Variants in PEMT observed in about 807,000 individuals in gnomAD.
PEMT encodes the protein phosphatidylethanolamine N-methyltransferase.
PEMT carries 23 observed loss-of-function variants against 27.4 expected under a neutral mutation model. The observed-to-expected ratio is 0.84, with a 90% CI of 0.60 to 1.19. PEMT has a LOEUF of 1.19. PEMT is among the 50% of genes most tolerant of loss of function. The pLI is 0.00. For synonymous variants in PEMT, 137 were observed against 139.1 expected (o/e 0.98, Z 0.11); for missense variants, 307 against 310.1 (o/e 0.99, Z 0.07).
chr17:17,518,282 C>T (rs188358421), intron 3 of PEMT: 45 of 413,898 alleles, frequency 1.1e-4, no homozygotes, highest in Admixed American at 1.3e-4. Flanking sequence ...TGGCCATCCA[C>T]GCCTCGCCCA....
At chr17:17,583,082 A>T (rs1912065335) in intron 1 of PEMT, among the ~76,000 whole-genome samples, 1 of 150,536 alleles carries the variant, frequency 6.6e-6, no homozygotes, top group Non-Finnish European at 1.5e-5. Context: ...AAAAAGAAGA[A>T]GTTTATTCTC....
Position 17,559,800 on chromosome 17 carries a change from G to C in PEMT, c.204+17120C>G, listed in dbSNP as rs886290201. Among the ~76,000 whole-genome samples the C allele has an allele frequency of 2.6e-5, 4 of 152,228 alleles. 1 individual carries two copies. The highest frequency in any genetic ancestry group is 2.6e-4 in the Admixed American group (4 of 15,280). ...GCAGCCCCACGCCCTCCCAGTTTCTGAGTGGGGAACCTATGGTTCAGAGCA... is the reference window on the plus strand; with the variant it reads ...GCAGCCCCACGCCCTCCCAGTTTCTCAGTGGGGAACCTATGGTTCAGAGCA... On this transcript the variant is annotated intron_variant, in intron 2 of 6. Coordinates refer to ENST00000255389, the MANE Select transcript of PEMT (RefSeq NM_148172.3).
In PEMT at chr17:17,591,013, C is replaced by T. The variant is rs182547569; in HGVS notation, c.96+518G>A. On this transcript the variant is annotated intron_variant, in intron 1 of 6. Transcript: ENST00000255389. ...GCTGGGAGACAGGCAGGGTCCCCAC[C>T]ACTCTCTTGCCTCTGGGCAAAAGCT... 2.3e-3 allele frequency among the ~76,000 whole-genome samples: 353 copies of T among 152,300 alleles called. 1 individual carries two copies. The highest frequency in any genetic ancestry group is 0.015 in the South Asian group (71 of 4,822).
intron 3 of PEMT, among the ~76,000 whole-genome samples, chr17:17,516,071 A>C (rs1286113257): frequency 1.3e-5 from 2 of 152,084 alleles, no homozygotes; most frequent in African/African-American, 4.8e-5. Flanking sequence ...TTCTATCTGC[A>C]GCCGACCAGA....
intron 4 of PEMT, among the ~76,000 whole-genome samples, chr17:17,510,799 C>T (rs959721387): frequency 6.6e-6 from 1 of 152,208 alleles, no homozygotes; most frequent in African/African-American, 2.4e-5. Flanking sequence ...GGGCTCCACC[C>T]ACCATCCTGG....
At chr17:17,534,771 T>C (rs9894321) in intron 2 of PEMT, among the ~76,000 whole-genome samples, 96,330 of 152,018 alleles carry the variant, frequency 0.63, 31,536 homozygotes, top group African/African-American at 0.8. Flanking sequence ...AGGAGTTCAA[T>C]GCTGCAGCAC....
chr17:17,514,759 C>T lies in PEMT; in HGVS notation c.321-2105G>A, dbSNP rs568889154. On this transcript the variant is annotated intron_variant, in intron 3 of 6. Coordinates refer to ENST00000255389, the MANE Select transcript of PEMT (RefSeq NM_148172.3). ...CTTCTCCCCTGCCTGGCACCCTCCA[C>T]TCTCCTGCCTGCAGATGGTGGAGTG... 2.0e-5 allele frequency among the ~76,000 whole-genome samples: 3 copies of T among 152,386 alleles called. No homozygotes were observed. In the South Asian group the frequency reaches 6.2e-4, roughly 32 times the overall value.
At chr17:17,563,314 T>G (rs1278768904) in intron 2 of PEMT, among the ~76,000 whole-genome samples, 1 of 152,196 alleles carries the variant, frequency 6.6e-6, no homozygotes, top group African/African-American at 2.4e-5. Context: ...ACATGGGTGT[T>G]GTTATTGGTG....
chr17:17,565,578 G>A (rs932048951), intron 2 of PEMT, among the ~76,000 whole-genome samples: 5 of 152,234 alleles, frequency 3.3e-5, no homozygotes, highest in African/African-American at 4.8e-5. Flanking sequence ...GCAGGAACAG[G>A]GCTGCCTCTA....
intron 1 of PEMT, among the ~76,000 whole-genome samples, chr17:17,589,272 A>ATT (rs573309051): frequency 0.048 from 6,572 of 138,042 alleles, 240 homozygotes; most frequent in East Asian, 0.2. Flanking sequence ...CCAACAGCTG[A>ATT]TTTTTTTTTT....
intron 2 of PEMT, among the ~76,000 whole-genome samples, chr17:17,544,749 C>T (rs929795180): frequency 6.6e-6 from 1 of 152,160 alleles, no homozygotes; most frequent in Non-Finnish European, 1.5e-5. Flanking sequence ...CAGAACAGGG[C>T]GGCTTTCTCC....
chr17:17,554,893 G>A (rs912727994), intron 2 of PEMT, among the ~76,000 whole-genome samples: 8 of 152,192 alleles, frequency 5.3e-5, no homozygotes, highest in Non-Finnish European at 1.2e-4. Flanking sequence ...TAGGATTACA[G>A]GCACGAGCCA....
Position 17,512,454 on chromosome 17 carries a change from C to A in PEMT, c.466+55G>T. 1 of 1,428,804 alleles carries A rather than the reference C, an allele frequency of 7.0e-7. No individual in the cohort carries two copies. Among genetic ancestry groups the A allele is most frequent in the African/African-American group, 1.4e-5 (1 of 69,192 alleles). 88.5% of individuals were successfully genotyped at this position (1,428,804 alleles called of 1,614,324 possible). A position where few individuals can be genotyped will look rare whatever the true frequency, so the allele number is the denominator to read the frequency against. ...GGGCAGCAGCCACCTGGCCCTGCAC[C>A]TCCCTGGGGCTCCAGCGGTCCTGCT... On this transcript the variant is annotated intron_variant, in intron 4 of 6. Transcript: ENST00000255389. The surrounding 1 kb of genome is among the most constrained non-coding windows in gnomAD (Gnocchi z 6.3).
intron 3 of PEMT, among the ~76,000 whole-genome samples, chr17:17,520,821 C>T (rs763888170): frequency 3.2e-4 from 48 of 152,372 alleles, no homozygotes; most frequent in Non-Finnish European, 6.2e-4. Context: ...GGGTCCAGTG[C>T]GGAAGGCTGA....
At chr17:17,567,990 A>G (rs1390289545) in intron 2 of PEMT, among the ~76,000 whole-genome samples, 1 of 152,208 alleles carries the variant, frequency 6.6e-6, no homozygotes, top group Non-Finnish European at 1.5e-5. Context: ...GGTCTCAGAC[A>G]GTTTGGCTCA....
intron 2 of PEMT, among the ~76,000 whole-genome samples, chr17:17,557,380 T>C (rs1162855719): frequency 1.3e-5 from 2 of 152,144 alleles, no homozygotes; most frequent in African/African-American, 4.8e-5. Context: ...GCTGACAAAA[T>C]TACACATGGT....
intron 5 of PEMT, chr17:17,507,150 A>G: frequency 6.4e-7 from 1 of 1,557,588 alleles, no homozygotes; most frequent in South Asian, 1.2e-5. Context: ...GCTGTCCCCC[A>G]ATCTATTTCT....
At chr17:17,544,113 C>T (rs1339503135) in intron 2 of PEMT, among the ~76,000 whole-genome samples, 1 of 152,128 alleles carries the variant, frequency 6.6e-6, no homozygotes, top group African/African-American at 2.4e-5. Context: ...GCACCTAGTG[C>T]ATGCAGAACA....
rs1912027046 is a variant in PEMT at position 17,582,435 on chromosome 17, A to G, written c.97-5408T>C. On this transcript the variant is annotated intron_variant, in intron 1 of 6. Coordinates refer to ENST00000255389, the MANE Select transcript of PEMT (RefSeq NM_148172.3). This position sits in a 1 kb window ranked among gnomAD's most constrained non-coding sequence, Gnocchi z 4.9. ...GGGAGCAGCGCTCTGTGGTCAGGGAATGATCTGCAGTGGGTCAACATGTCA... is the reference window on the plus strand; with the variant it reads ...GGGAGCAGCGCTCTGTGGTCAGGGAGTGATCTGCAGTGGGTCAACATGTCA... 1.0e-6 allele frequency: 1 copy of G among 985,478 alleles called. No homozygotes were observed. The highest frequency in any genetic ancestry group is 1.7e-5 in the African/African-American group (1 of 57,378). 61.0% of individuals were successfully genotyped at this position (985,478 alleles called of 1,614,324 possible). A position where few individuals can be genotyped will look rare whatever the true frequency, so the allele number is the denominator to read the frequency against.
Sources: allele counts gnomAD v4.1 joint callset (sites outside exome capture counted in the v4.1 genomes callset), GRCh38; gene constraint gnomAD v4.1.1; non-coding constraint Gnocchi (gnomAD v3.1); transcripts MANE v1.5; gene names NCBI Gene and HGNC (gene_info 2026-07-23, HGNC 2026-07-21).